The following EPB41 variants were observed in gnomAD, a reference collection of about 807,000 sequenced individuals.
The protein encoded by EPB41 is erythrocyte membrane protein band 4.1.
Under a neutral mutation model 108.0 loss-of-function variants are expected in EPB41, and 65 were observed. The observed-to-expected ratio is 0.60, with a 90% CI of 0.49 to 0.74. The LOEUF (loss-of-function observed/expected upper bound fraction) is 0.74, where lower values mean the gene tolerates loss of function less well. Among genes scored for constraint, EPB41 ranks in the 30% least tolerant of loss-of-function variants. The probability of loss-of-function intolerance (pLI) is 0.00; values close to 1 mark genes in which losing one functional copy is unlikely to be tolerated. For synonymous variants in EPB41, 336 were observed against 358.9 expected (o/e 0.94, Z 0.72); for missense variants, 875 against 1,037.0 (o/e 0.84, Z 2.15).
intron 11 of EPB41, among the ~76,000 whole-genome samples, chr1:29,051,897 TA>T (rs10715253): frequency 0.78 from 112,455 of 144,666 alleles, 43,744 homozygotes; most frequent in East Asian, 0.92. Context: ...GACTCCATCT[TA>T]AAAAAAAAAA....
chr1:29,061,578 T>TTTTTTTTTTTG (rs1265525570), intron 15 of EPB41, among the ~76,000 whole-genome samples: 2 of 133,780 alleles, frequency 1.5e-5, no homozygotes, highest in African/African-American at 5.6e-5. Flanking sequence ...CTTTGTTTTT[T>TTTTTTTTTTTG]TTTTTTTTTT....
intron 11 of EPB41, among the ~76,000 whole-genome samples, chr1:29,051,876 C>T (rs928675563): frequency 6.2e-4 from 88 of 142,466 alleles, no homozygotes; most frequent in African/African-American, 2.0e-3. Context: ...CTAGCCTAGG[C>T]GACAGGGCAA....
chr1:28,924,327 G>A (rs1489086774), intron 1 of EPB41, among the ~76,000 whole-genome samples: 1 of 152,208 alleles, frequency 6.6e-6, no homozygotes, highest in East Asian at 1.9e-4. Context: ...TCAGGAACTC[G>A]AGACCTGCCT....
chr1:28,897,150 G>A (rs894014898), intron 1 of EPB41, among the ~76,000 whole-genome samples: 1 of 152,156 alleles, frequency 6.6e-6, no homozygotes, highest in African/African-American at 2.4e-5. Flanking sequence ...GACCCTGGTA[G>A]GTCTGGTAGG....
intron 17 of EPB41, among the ~76,000 whole-genome samples, chr1:29,107,515 G>A (rs1338401958): frequency 6.6e-6 from 1 of 152,110 alleles, no homozygotes; most frequent in Non-Finnish European, 1.5e-5. Flanking sequence ...AATATTAGTT[G>A]AGTCTGAATC....
intron 1 of EPB41, among the ~76,000 whole-genome samples, chr1:28,986,733 C>T (rs2095876143): frequency 6.6e-6 from 1 of 151,820 alleles, no homozygotes; most frequent in Non-Finnish European, 1.5e-5. Flanking sequence ...AGTTCGAGAC[C>T]TGCCTGGGCA....
intron 11 of EPB41, among the ~76,000 whole-genome samples, chr1:29,040,832 G>A (rs376541417): frequency 6.6e-6 from 1 of 152,142 alleles, no homozygotes; most frequent in African/African-American, 2.4e-5. Context: ...TAAAAAAAGA[G>A]TGGCTAATAA....
rs368577557 is a variant in EPB41, at chr1:28,993,497, C to T, written c.636C>T (p.Cys212=). The part of the protein sequence containing the change: ...KPIRKHRNMH[C]KVSLLDDTVY... ...TCAGAAAACACAGGAACATGCACTG[C>T]AAGGTTTCTTTGTTGGATGACACAG... Residue 212 remains cysteine, a synonymous_variant, in exon 3 of 21, where the codon TGC becomes TGT. Transcript: ENST00000343067. The T allele has an allele frequency of 2.2e-5, 35 of 1,613,936 alleles. No homozygotes were observed. The highest frequency in any genetic ancestry group is 1.1e-4 in the East Asian group (5 of 44,862).
chr1:28,994,294 C>A (rs2096105258), intron 3 of EPB41, among the ~76,000 whole-genome samples: 1 of 152,044 alleles, frequency 6.6e-6, no homozygotes, highest in Non-Finnish European at 1.5e-5. Context: ...GCCTCAGCCT[C>A]CAGAGTAGCT....
At chr1:28,949,465 A>T (rs1272953285) in intron 1 of EPB41, among the ~76,000 whole-genome samples, 1 of 152,128 alleles carries the variant, frequency 6.6e-6, no homozygotes, top group African/African-American at 2.4e-5. Context: ...TCTCTGTATT[A>T]CTATATATAG....
chr1:28,944,027 C>A (rs1370363242), intron 1 of EPB41, among the ~76,000 whole-genome samples: 1 of 152,066 alleles, frequency 6.6e-6, no homozygotes, highest in Non-Finnish European at 1.5e-5. Context: ...ACTATTCAAC[C>A]ATAAAAAGAA....
chr1:28,997,066 C>A, intron 3 of EPB41, 149 bp from the exon 4 acceptor site: 1 of 692,932 alleles, frequency 1.4e-6, no homozygotes, highest in South Asian at 1.5e-5. Flanking sequence ...GTGGGAAGAT[C>A]ACTTGAGCCC....
At chr1:28,971,180 C>CTTTTTTTTTTTTTTTTTTTTT (rs1000130058) in intron 1 of EPB41, among the ~76,000 whole-genome samples, 1 of 66,324 alleles carries the variant, frequency 1.5e-5, no homozygotes, top group Non-Finnish European at 2.6e-5. Flanking sequence ...TTCTTTCTTT[C>CTTTTTTTTTTTTTTTTTTTTT]TTTTTTTTTT....
At chr1:28,929,055 T>C (rs2093598811) in intron 1 of EPB41, among the ~76,000 whole-genome samples, 1 of 152,182 alleles carries the variant, frequency 6.6e-6, no homozygotes, top group African/African-American at 2.4e-5. Context: ...CTTTTAGAAC[T>C]GCCGAAATGA....
chr1:28,902,892 G>A (rs1020315742), intron 1 of EPB41, among the ~76,000 whole-genome samples: 10 of 152,062 alleles, frequency 6.6e-5, no homozygotes, highest in African/African-American at 1.9e-4. Context: ...AGATAAAGAC[G>A]CCTACTTGAC....
chr1:29,117,730 C>CCTCAT lies in EPB41; in HGVS notation c.*918_*919insCTCAT, dbSNP rs1671234450. Reference sequence around the variant, plus strand: ...AATGAGGTTTTTAAAATAAGGTTTTCTAGTTTTGAGAGTGTGCACTTCACA... The same window carrying CCTCAT: ...AATGAGGTTTTTAAAATAAGGTTTTCCTCATTAGTTTTGAGAGTGTGCACTTCACA... On this transcript the variant is annotated 3_prime_UTR_variant, in exon 21 of 21. Transcript: ENST00000343067. The CCTCAT allele has an allele frequency of 6.6e-6, 1 of 152,594 alleles. No homozygotes were observed. Among genetic ancestry groups the CCTCAT allele is most frequent in the Non-Finnish European group, 1.5e-5 (1 of 68,018 alleles). The allele number at this position is 152,594 out of a possible 1,614,324, so 9.5% of individuals were successfully genotyped here.
intron 1 of EPB41, among the ~76,000 whole-genome samples, chr1:28,918,894 T>C (rs157208): frequency 0.31 from 47,654 of 152,172 alleles, 8,997 homozygotes; most frequent in East Asian, 0.85. Flanking sequence ...TGGCTTTTAC[T>C]GTGCGTCCTT....
chr1:28,987,954 A>G (rs942188564), intron 2 of EPB41, 49 bp downstream of exon 2: 3 of 1,581,954 alleles, frequency 1.9e-6, no homozygotes, highest in Admixed American at 1.7e-5. Flanking sequence ...CAGGTTATAC[A>G]CTTTATTTTT....
upstream of EPB41, among the ~76,000 whole-genome samples, chr1:28,910,008 G>A (rs1033775277): frequency 6.6e-6 from 1 of 151,790 alleles, no homozygotes; most frequent in African/African-American, 2.4e-5. Flanking sequence ...CATCACTTGA[G>A]CCCAGGAGGT....
Sources: allele counts gnomAD v4.1 joint callset (sites outside exome capture counted in the v4.1 genomes callset), GRCh38; gene constraint gnomAD v4.1.1; transcripts MANE v1.5; gene names NCBI Gene and HGNC (gene_info 2026-07-23, HGNC 2026-07-21).